PARG: variants seen among roughly 807,000 people sequenced by gnomAD.
PARG encodes poly(ADP-ribose) glycohydrolase, also known as mitochondrial poly(ADP-ribose) glycohydrolase.
In PARG, 35 loss-of-function variants were observed where a neutral mutation model predicts 113.0. The ratio of observed to expected loss-of-function variants is 0.31; its 90% CI spans 0.24 to 0.41. The LOEUF (loss-of-function observed/expected upper bound fraction) is 0.41, where lower values mean the gene tolerates loss of function less well. Among genes scored for constraint, PARG ranks in the 10% least tolerant of loss-of-function variants. The pLI is 1.00. For synonymous variants in PARG, 330 were observed against 409.9 expected, an observed-to-expected ratio of 0.81 and a Z score of 2.36; for missense variants, 797 against 1,169.4, an observed-to-expected ratio of 0.68 and a Z score of 4.64.
intron 16 of PARG, among the ~76,000 whole-genome samples, chr10:49,828,558 C>T (rs782225965): frequency 5.3e-5 from 8 of 152,114 alleles, no homozygotes; most frequent in Non-Finnish European, 7.4e-5. Context: ...CAAAGCCCCT[C>T]CATCTCCCCC....
intron 13 of PARG, among the ~76,000 whole-genome samples, 192 bp from the exon 14 acceptor site, chr10:49,843,824 A>G (rs1238554555): frequency 2.6e-5 from 4 of 152,264 alleles, no homozygotes; most frequent in East Asian, 1.9e-4. Flanking sequence ...CTATTTGTAG[A>G]TATCATGCTT....
intron 4 of PARG, among the ~76,000 whole-genome samples, chr10:49,923,139 A>G (rs1450805380): frequency 6.6e-6 from 1 of 152,190 alleles, no homozygotes; most frequent in Non-Finnish European, 1.5e-5. Context: ...TTTCATATTT[A>G]TATGCCTGTA....
In PARG at chr10:49,922,338, T is replaced by C. The variant is rs1837923490; in HGVS notation, c.1660A>G (p.Lys554Glu). ...CAAGCATGGTAAAAACAACATACCT[T>C]CAAGTTTTGGGGTCGTGTAAATTTG... ...LNKFTRPQNL[K>E]DAILKYNVAY... The change falls in exon 6 of 18, where the codon AAG (lysine) becomes GAG (glutamate). Residue 554 changes from lysine to glutamate, a missense_variant and splice_region_variant. Physicochemically the swap from Lys to Glu is moderately conservative, Grantham distance 56. Coordinates refer to ENST00000616448, the MANE Select transcript of PARG (RefSeq NM_003631.5). The C allele has an allele frequency of 6.3e-7, 1 of 1,598,232 alleles. No individual in the cohort carries two copies.
At chr10:49,856,736 G>A (rs529628865) in intron 13 of PARG, among the ~76,000 whole-genome samples, 5 of 152,178 alleles carry the variant, frequency 3.3e-5, no homozygotes, top group South Asian at 2.1e-4. Context: ...ACTGCCAAGC[G>A]TGGTGGCTCA....
intron 8 of PARG, among the ~76,000 whole-genome samples, chr10:49,884,957 C>T (rs1471904931): frequency 6.7e-6 from 1 of 148,352 alleles, no homozygotes; most frequent in Non-Finnish European, 1.5e-5. Context: ...GAATGGAATG[C>T]TGCATTTTTA....
In PARG at chr10:49,933,528, T is replaced by C; in HGVS notation, c.920A>G (p.Asp307Gly). The change falls in exon 3 of 18, where the codon GAT (aspartate) becomes GGT (glycine). Residue 307 changes from aspartate to glycine, a missense_variant. Asp to Gly is a moderately conservative substitution (Grantham distance 94, BLOSUM62 -1). Coordinates refer to ENST00000616448, the MANE Select transcript of PARG (RefSeq NM_003631.5). The part of the protein sequence containing the change: ...ESEPESPMDV[D>G]NSKNSCQDSE... ...GTCTTGACAACTATTTTTAGAATTA[T>C]CCACATCCATCGGTGACTCGGGTTC... is the stretch of plus-strand genomic sequence containing the variant. The C allele has an allele frequency of 6.2e-7, 1 of 1,611,460 alleles. No homozygotes were observed. The highest frequency in any genetic ancestry group is 1.3e-5 in the African/African-American group (1 of 74,974).
intron 8 of PARG, among the ~76,000 whole-genome samples, chr10:49,881,020 G>T (rs1433326195): frequency 1.3e-5 from 2 of 152,198 alleles, no homozygotes; most frequent in South Asian, 2.1e-4. Context: ...TACCTTTTTA[G>T]ATCTGATAAA....
At chr10:49,887,358 C>A (rs1326349797) in intron 7 of PARG, among the ~76,000 whole-genome samples, 6 of 152,164 alleles carry the variant, frequency 3.9e-5, no homozygotes, top group African/African-American at 1.4e-4. Flanking sequence ...TCATTCTATG[C>A]CATTTTATCA....
chr10:49,891,751 T>C (rs1847818882), intron 7 of PARG, among the ~76,000 whole-genome samples: 1 of 149,560 alleles, frequency 6.7e-6, no homozygotes, highest in Non-Finnish European at 1.5e-5. Context: ...TGCCTCAGCC[T>C]CCTGAGTAGA....
chr10:49,880,146 A>C (rs1279083307), intron 8 of PARG, among the ~76,000 whole-genome samples: 2 of 152,246 alleles, frequency 1.3e-5, no homozygotes, highest in Admixed American at 1.3e-4. Flanking sequence ...GTAATGAAAA[A>C]TTAAAACAAA....
chr10:49,849,151 C>T (rs1406564071), intron 13 of PARG, among the ~76,000 whole-genome samples: 6 of 150,810 alleles, frequency 4.0e-5, no homozygotes, highest in African/African-American at 1.5e-4. Flanking sequence ...GCTGAGATCA[C>T]GCCATTGCAC....
In PARG at chr10:49,899,906, A is replaced by G. The variant is rs2664487; in HGVS notation, c.1738-14611T>C. 2.4e-3 allele frequency among the ~76,000 whole-genome samples: 360 copies of G among 152,294 alleles called. 1 individual carries two copies. The highest frequency in any genetic ancestry group is 4.3e-3 in the Non-Finnish European group (291 of 67,996). On this transcript the variant is annotated intron_variant, in intron 7 of 17. Coordinates refer to ENST00000616448, the MANE Select transcript of PARG (RefSeq NM_003631.5). ...AAATCACAGCTCATTATAAGCATTT[A>G]AAATGATTTGCCCTAACGATAGATA...
intron 7 of PARG, among the ~76,000 whole-genome samples, chr10:49,907,952 G>A (rs1836947309): frequency 6.6e-6 from 1 of 152,174 alleles, no homozygotes; most frequent in Non-Finnish European, 1.5e-5. Flanking sequence ...AAGGGTTAGA[G>A]TTATAGGACA....
intron 6 of PARG, among the ~76,000 whole-genome samples, chr10:49,920,463 A>AAAAAAAT (rs1431747248): frequency 2.5e-4 from 12 of 47,966 alleles, no homozygotes; most frequent in Admixed American, 4.9e-4. Flanking sequence ...AAAAAAAAAA[A>AAAAAAAT]ATATATATAT....
intron 15 of PARG, among the ~76,000 whole-genome samples, chr10:49,841,125 C>T (rs1454291299): frequency 2.6e-5 from 4 of 151,946 alleles, no homozygotes; most frequent in Non-Finnish European, 4.4e-5. Context: ...TGGTGGCAGG[C>T]GCTTGTAATC....
chr10:49,873,373 T>C (rs1434297831), intron 9 of PARG, among the ~76,000 whole-genome samples: 8 of 134,536 alleles, frequency 5.9e-5, no homozygotes, highest in Non-Finnish European at 1.1e-4. Context: ...GCTCATCAGA[T>C]TACGTACTGG....
At chr10:49,893,161 C>T (rs1489982818) in intron 7 of PARG, among the ~76,000 whole-genome samples, 2 of 115,860 alleles carry the variant, frequency 1.7e-5, no homozygotes, top group African/African-American at 2.5e-5. Context: ...AACAGCCAGA[C>T]CCTTTTCCAA....
chr10:49,860,181 T>TA (rs1189055512), intron 12 of PARG, among the ~76,000 whole-genome samples: 2 of 152,230 alleles, frequency 1.3e-5, no homozygotes, highest in African/African-American at 4.8e-5. Context: ...CGGTATTCTC[T>TA]AATCTACCGA....
chr10:49,906,427 A>ATG (rs1848595131), intron 7 of PARG, among the ~76,000 whole-genome samples: 1 of 152,194 alleles, frequency 6.6e-6, no homozygotes, highest in Admixed American at 6.5e-5. Context: ...TTTTACGATG[A>ATG]ATCTTCCCCT....
Sources: allele counts gnomAD v4.1 joint callset (sites outside exome capture counted in the v4.1 genomes callset), GRCh38; gene constraint gnomAD v4.1.1; transcripts MANE v1.5; gene names NCBI Gene and HGNC (gene_info 2026-07-23, HGNC 2026-07-21).